The following GPC5 variants were observed in gnomAD, a reference collection of about 807,000 sequenced individuals.
GPC5 encodes glypican-5.
GPC5 carries 47 observed loss-of-function variants against 53.9 expected under a neutral mutation model. The ratio of observed to expected loss-of-function variants is 0.87; its 90% confidence interval spans 0.69 to 1.11. The LOEUF (loss-of-function observed/expected upper bound fraction) is 1.11. Among genes scored for constraint, GPC5 ranks in the 50% most tolerant of loss-of-function variants. The pLI is 0.00. For missense variants in GPC5, 748 were observed against 713.1 expected (o/e 1.05, Z -0.56); for synonymous variants, 286 against 263.3 (o/e 1.09, Z -0.84).
intron 2 of GPC5, among the ~76,000 whole-genome samples, chr13:91,676,059 G>C (rs1594415176): frequency 6.6e-6 from 1 of 152,128 alleles, no homozygotes; most frequent in East Asian, 1.9e-4. Context: ...GGAGCCTTTG[G>C]CTTTGTTTGT....
intron 7 of GPC5, among the ~76,000 whole-genome samples, chr13:92,393,093 T>C (rs1374301781): frequency 6.6e-6 from 1 of 152,162 alleles, no homozygotes; most frequent in Non-Finnish European, 1.5e-5. Flanking sequence ...TAAAGACACA[T>C]GCATGTGAAT....
At chr13:92,650,848 T>C (rs1374043339) in intron 7 of GPC5, among the ~76,000 whole-genome samples, 4 of 152,184 alleles carry the variant, frequency 2.6e-5, no homozygotes. Flanking sequence ...ACGTGGAGGT[T>C]TGTTGCATAG....
At chr13:92,771,627 G>A (rs1875620125) in intron 7 of GPC5, among the ~76,000 whole-genome samples, 1 of 152,122 alleles carries the variant, frequency 6.6e-6, no homozygotes, top group Non-Finnish European at 1.5e-5. Context: ...ACAGGTGTGA[G>A]CCACTGTGCC....
chr13:92,788,023 G>A (rs1168946814), intron 7 of GPC5, among the ~76,000 whole-genome samples: 1 of 151,908 alleles, frequency 6.6e-6, no homozygotes, highest in Non-Finnish European at 1.5e-5. Flanking sequence ...AATGACATGG[G>A]GTTTCAGATT....
intron 2 of GPC5, among the ~76,000 whole-genome samples, chr13:91,555,652 A>T (rs1016713589): frequency 6.6e-6 from 1 of 152,052 alleles, no homozygotes; most frequent in East Asian, 1.9e-4. Flanking sequence ...GTTGCTAAAG[A>T]TATACCCAAG....
At chr13:92,753,775 G>GAA (rs201583979) in intron 7 of GPC5, among the ~76,000 whole-genome samples, 3 of 150,310 alleles carry the variant, frequency 2.0e-5, no homozygotes, top group Non-Finnish European at 3.0e-5. Flanking sequence ...GGGAAGTTTA[G>GAA]AAAAAAAAAG....
chr13:92,098,538 G>T (rs1471235868), intron 6 of GPC5, among the ~76,000 whole-genome samples: 1 of 152,108 alleles, frequency 6.6e-6, no homozygotes, highest in East Asian at 1.9e-4. Flanking sequence ...ACACGAATAG[G>T]TATCATTGGA....
chr13:92,643,074 C>T (rs1261964918), intron 7 of GPC5, among the ~76,000 whole-genome samples: 1 of 151,568 alleles, frequency 6.6e-6, no homozygotes, highest in Non-Finnish European at 1.5e-5. Flanking sequence ...TGGGGTTGTT[C>T]GTTTTTTTCT....
chr13:92,541,665 T>G (rs572131264), intron 7 of GPC5, among the ~76,000 whole-genome samples: 1 of 152,032 alleles, frequency 6.6e-6, no homozygotes, highest in Non-Finnish European at 1.5e-5. Flanking sequence ...TTATGAAAAG[T>G]GTTTTTGGAG....
chr13:92,769,891 G>C (rs1408173559), intron 7 of GPC5, among the ~76,000 whole-genome samples: 1 of 152,102 alleles, frequency 6.6e-6, no homozygotes, highest in Non-Finnish European at 1.5e-5. Flanking sequence ...CTCATAACTA[G>C]ATTTTAATTT....
chr13:91,950,266 G>GTTTGT (rs1555299354), intron 6 of GPC5, among the ~76,000 whole-genome samples: 1 of 122,634 alleles, frequency 8.2e-6, no homozygotes, highest in East Asian at 2.4e-4. Flanking sequence ...AAACTGCCAA[G>GTTTGT]TTTTTTTTTT....
chr13:92,767,468 A>G (rs762231557), intron 7 of GPC5, among the ~76,000 whole-genome samples: 1 of 151,928 alleles, frequency 6.6e-6, no homozygotes, highest in Non-Finnish European at 1.5e-5. Context: ...AAGACTGTCC[A>G]AAAAAAAGAA....
intron 7 of GPC5, among the ~76,000 whole-genome samples, chr13:92,707,444 T>C (rs996051816): frequency 2.0e-5 from 3 of 152,028 alleles, no homozygotes; most frequent in African/African-American, 7.2e-5. Context: ...GCTTGTTGTT[T>C]TGTTTCCAAC....
At chr13:92,724,222 A>C (rs1023492337) in intron 7 of GPC5, among the ~76,000 whole-genome samples, 3 of 151,554 alleles carry the variant, frequency 2.0e-5, no homozygotes, top group African/African-American at 7.3e-5. Context: ...TTTTCTCAAA[A>C]ATAAGTTAGG....
In GPC5 at chr13:92,755,296, A is replaced by C. The variant is rs1224849175; in HGVS notation, c.1562-110986A>C. Among the ~76,000 whole-genome samples the C allele has an allele frequency of 1.1e-3, 156 of 142,560 alleles. 1 individual carries two copies. Among genetic ancestry groups the C allele is most frequent in the African/African-American group, 3.2e-3 (124 of 38,208 alleles). 93.5% of individuals were successfully genotyped at this position (142,560 alleles called of 152,430 possible). ...TTGAAACCAACGAGAACAAAGACAC[A>C]ACATACCAGAATCTCTGGGACGCAT... On this transcript the variant is annotated intron_variant, in intron 7 of 7. Coordinates refer to ENST00000377067, the MANE Select transcript of GPC5 (RefSeq NM_004466.6).
At chr13:92,602,156 C>T (rs1218142536) in intron 7 of GPC5, among the ~76,000 whole-genome samples, 1 of 142,882 alleles carries the variant, frequency 7.0e-6, no homozygotes, top group Non-Finnish European at 1.5e-5. Context: ...TATATATACA[C>T]ACTATATACA....
At chr13:92,050,731 G>A (rs1251421005) in intron 6 of GPC5, among the ~76,000 whole-genome samples, 8 of 152,120 alleles carry the variant, frequency 5.3e-5, no homozygotes, top group African/African-American at 9.7e-5. Flanking sequence ...CTGTATAATA[G>A]AATTTGATCA....
intron 7 of GPC5, among the ~76,000 whole-genome samples, chr13:92,809,968 A>G (rs1057314755): frequency 6.6e-6 from 1 of 152,084 alleles, no homozygotes; most frequent in Admixed American, 6.6e-5. Context: ...CCTATATACT[A>G]TATTTATATA....
At chr13:92,157,602 A>G (rs745335245) in intron 7 of GPC5, among the ~76,000 whole-genome samples, 1 of 152,226 alleles carries the variant, frequency 6.6e-6, no homozygotes, top group Non-Finnish European at 1.5e-5. Context: ...CAAATGTTCT[A>G]AAGTAAGTGC....
Sources: allele counts gnomAD v4.1 joint callset (sites outside exome capture counted in the v4.1 genomes callset), GRCh38; gene constraint gnomAD v4.1.1; transcripts MANE v1.5; gene names NCBI Gene and HGNC (gene_info 2026-07-23, HGNC 2026-07-21).